The following AOPEP variants were observed in gnomAD, a reference collection of about 807,000 sequenced individuals.
The protein encoded by AOPEP is aminopeptidase O.
A neutral mutation model predicts 98.1 loss-of-function variants in AOPEP; 77 were observed. The observed-to-expected ratio is 0.78, with a 90% CI of 0.65 to 0.95. The LOEUF (loss-of-function observed/expected upper bound fraction) is 0.95. Among genes scored for constraint, AOPEP ranks in the 40% least tolerant of loss-of-function variants. AOPEP has a pLI of 0.00. For missense variants in AOPEP, 1,024 were observed against 1,024.7 expected (o/e 1.00, Z 0.01); for synonymous variants, 346 against 365.3 (o/e 0.95, Z 0.60).
intron 5 of AOPEP, among the ~76,000 whole-genome samples, chr9:94,803,958 A>G (rs569421466): frequency 2.8e-4 from 42 of 152,310 alleles, no homozygotes; most frequent in African/African-American, 9.6e-4. Flanking sequence ...TGACTTGACT[A>G]CTATGATGTC....
At chr9:94,876,368 C>CTTT in intron 5 of AOPEP, among the ~76,000 whole-genome samples, 1 of 140,668 alleles carries the variant, frequency 7.1e-6, no homozygotes, top group East Asian at 2.0e-4. Context: ...CTTTTCTTTT[C>CTTT]TTTTTTTTTT....
intron 5 of AOPEP, among the ~76,000 whole-genome samples, chr9:94,832,593 T>C (rs1297814719): frequency 1.3e-5 from 2 of 152,206 alleles, no homozygotes; most frequent in Non-Finnish European, 2.9e-5. Context: ...TTTTTTGGCA[T>C]AGCAAAAGAC....
chr9:94,922,436 C>A (rs1355581424), intron 5 of AOPEP, among the ~76,000 whole-genome samples: 1 of 152,214 alleles, frequency 6.6e-6, no homozygotes, highest in Non-Finnish European at 1.5e-5. Flanking sequence ...TGTTTTAGCC[C>A]AAAGGGTGAA....
intron 14 of AOPEP, among the ~76,000 whole-genome samples, chr9:95,070,501 C>G (rs999957338): frequency 2.0e-5 from 3 of 152,144 alleles, no homozygotes; most frequent in Non-Finnish European, 2.9e-5. Context: ...TGGTGGCATT[C>G]TTCAAAGCAT....
At chr9:95,034,059 T>G (rs923349221) in intron 13 of AOPEP, among the ~76,000 whole-genome samples, 3 of 152,240 alleles carry the variant, frequency 2.0e-5, no homozygotes, top group Non-Finnish European at 4.4e-5. Flanking sequence ...CTAAATGACG[T>G]ACTGAAGACA....
chr9:95,125,113 T>C, the AOPEP span: 2 of 1,614,184 alleles, frequency 1.2e-6, no homozygotes, highest in Non-Finnish European at 8.5e-7. Context: ...CCAGAGCTTC[T>C]ACAAAGCACT....
At chr9:95,095,462 G>A in the AOPEP span, among the ~76,000 whole-genome samples, 1 of 152,222 alleles carries the variant, frequency 6.6e-6, no homozygotes, top group African/African-American at 2.4e-5. Context: ...CCTTACTGAT[G>A]TGTAGAAGAG....
chr9:95,133,367 A>G, the AOPEP span, among the ~76,000 whole-genome samples: 1 of 152,250 alleles, frequency 6.6e-6, no homozygotes, highest in Non-Finnish European at 1.5e-5. Flanking sequence ...AACACCCTCT[A>G]GAATCCCCCT....
chr9:94,817,142 T>C (rs1363930209), intron 5 of AOPEP, among the ~76,000 whole-genome samples: 1 of 152,090 alleles, frequency 6.6e-6, no homozygotes, highest in Non-Finnish European at 1.5e-5. Flanking sequence ...GCTGGGACTA[T>C]AGGCGTGCAC....
chr9:95,083,707 G>C (rs1281098300), intron 16 of AOPEP, among the ~76,000 whole-genome samples: 1 of 150,952 alleles, frequency 6.6e-6, no homozygotes, highest in Non-Finnish European at 1.5e-5. Flanking sequence ...GCACCACACA[G>C]AGCACATGTG....
At chr9:95,085,533 GAGA>G (rs755884659) in intron 16 of AOPEP, 4 of 513,910 alleles carry the variant, frequency 7.8e-6, no homozygotes, top group Non-Finnish European at 1.6e-5. Flanking sequence ...TGCACCTGAA[GAGA>G]AGGTGAGATG....
intron 1 of AOPEP, among the ~76,000 whole-genome samples, chr9:94,736,442 T>C (rs922579857): frequency 2.6e-5 from 4 of 152,200 alleles, no homozygotes; most frequent in Non-Finnish European, 5.9e-5. Flanking sequence ...AAAAAGCTGG[T>C]ATTTTTGTCT....
intron 13 of AOPEP, among the ~76,000 whole-genome samples, chr9:95,039,736 C>CTTCATTCA (rs35690560): frequency 0.042 from 6,263 of 150,498 alleles, 169 homozygotes; most frequent in Middle Eastern, 0.069. Flanking sequence ...AGACATGTTT[C>CTTCATTCA]TTCATTCATT....
chr9:94,786,290 A>G (rs893141216), intron 3 of AOPEP, among the ~76,000 whole-genome samples: 3 of 152,246 alleles, frequency 2.0e-5, no homozygotes, highest in African/African-American at 7.2e-5. Flanking sequence ...ACATGAGGAA[A>G]CTGATGCATT....
intron 5 of AOPEP, among the ~76,000 whole-genome samples, chr9:94,827,626 G>A (rs975544459): frequency 1.3e-5 from 2 of 152,032 alleles, no homozygotes; most frequent in Non-Finnish European, 1.5e-5. Context: ...GGCTCCTACC[G>A]CATGTTTTCA....
At chr9:94,794,024 G>A (rs1846356040) in intron 4 of AOPEP, among the ~76,000 whole-genome samples, 1 of 152,204 alleles carries the variant, frequency 6.6e-6, no homozygotes, top group Admixed American at 6.5e-5. Flanking sequence ...TAGGAGCACA[G>A]GACACAAGGA....
At chr9:95,069,004 CCT>C (rs998330234) in intron 14 of AOPEP, among the ~76,000 whole-genome samples, 8 of 152,120 alleles carry the variant, frequency 5.3e-5, no homozygotes, top group African/African-American at 1.9e-4. Context: ...CTGTTCACTC[CCT>C]GTTGCCTCAT....
At chr9:94,992,087 C>T (rs755755881) in intron 11 of AOPEP, among the ~76,000 whole-genome samples, 1 of 152,224 alleles carries the variant, frequency 6.6e-6, no homozygotes, top group Non-Finnish European at 1.5e-5. Context: ...CAACCAGAGT[C>T]CCTGTCTTTT....
intron 3 of AOPEP, among the ~76,000 whole-genome samples, chr9:94,792,427 G>A (rs1285977076): frequency 6.6e-6 from 1 of 152,006 alleles, no homozygotes; most frequent in Admixed American, 6.6e-5. Context: ...TACTGTGTTG[G>A]ATGAATGAGA....
Sources: allele counts gnomAD v4.1 joint callset (sites outside exome capture counted in the v4.1 genomes callset), GRCh38; gene constraint gnomAD v4.1.1; transcripts MANE v1.5; gene names NCBI Gene and HGNC (gene_info 2026-07-23, HGNC 2026-07-21).